Variants in MTHFD1L observed in about 807,000 individuals in gnomAD.
MTHFD1L encodes the protein monofunctional C1-tetrahydrofolate synthase, mitochondrial.
Under a neutral mutation model 119.5 loss-of-function variants are expected in MTHFD1L, and 81 were observed. The ratio of observed to expected loss-of-function variants is 0.68; its 90% CI spans 0.57 to 0.82. MTHFD1L has a LOEUF of 0.82. MTHFD1L is among the 40% of genes least tolerant of loss of function. The pLI, the probability that MTHFD1L is intolerant of heterozygous loss-of-function variation, is 0.00. For synonymous variants in MTHFD1L, 430 were observed against 475.2 expected, an observed-to-expected ratio of 0.90 and a Z score of 1.24; for missense variants, 1,125 against 1,253.4, an observed-to-expected ratio of 0.90 and a Z score of 1.55.
chr6:151,031,393 C>T lies in MTHFD1L; in HGVS notation c.2587-3100C>T, dbSNP rs555693405. On this transcript the variant is annotated intron_variant, in intron 24 of 27. Coordinates refer to ENST00000367321, the MANE Select transcript of MTHFD1L (RefSeq NM_015440.5). ...AGATTGCATGAGCTTTTGCTGCAGC[C>T]ACTCACAGTCAGGCCCCAGTGAATC... Among the ~76,000 whole-genome samples the T allele has an allele frequency of 2.0e-5, 3 of 152,318 alleles. No individual in the cohort carries two copies. The East Asian group carries it at 5.8e-4, about 29-fold the overall frequency.
In MTHFD1L at chr6:150,877,756, T is replaced by G. The variant is rs1780688986; in HGVS notation, c.364-17T>G. On this transcript the variant is annotated splice_polypyrimidine_tract_variant and intron_variant, in intron 3 of 27. Coordinates refer to ENST00000367321, the MANE Select transcript of MTHFD1L (RefSeq NM_015440.5). The stretch of plus-strand genomic sequence containing the variant: ...CATTCTCTTATAGTGACGAATAACC[T>G]TGTGTTCCTTTTTCAGGCTGGTCTG... The G allele has an allele frequency of 1.9e-6, 3 of 1,614,106 alleles. No individual in the cohort carries two copies. Among genetic ancestry groups the G allele is most frequent in the Admixed American group, 1.7e-5 (1 of 60,006 alleles).
intron 24 of MTHFD1L, among the ~76,000 whole-genome samples, chr6:151,022,566 TA>T (rs1364211348): frequency 5.3e-5 from 8 of 152,168 alleles, no homozygotes; most frequent in African/African-American, 1.4e-4. Flanking sequence ...CATTTCACAG[TA>T]ATTAGAAGGG....
chr6:151,093,709 C>T (rs1339326995), intron 27 of MTHFD1L, among the ~76,000 whole-genome samples: 2 of 151,830 alleles, frequency 1.3e-5, no homozygotes, highest in Non-Finnish European at 2.9e-5. Flanking sequence ...TTAAGCATAT[C>T]TTTTAGGGGA....
At chr6:150,993,676 T>G (rs372941676) in intron 20 of MTHFD1L, among the ~76,000 whole-genome samples, 13 of 152,078 alleles carry the variant, frequency 8.5e-5, no homozygotes, top group African/African-American at 3.1e-4. Flanking sequence ...CACATAGATC[T>G]TGTGCCCCTC....
chr6:151,032,566 C>A (rs1288442219), intron 24 of MTHFD1L, among the ~76,000 whole-genome samples: 1 of 152,196 alleles, frequency 6.6e-6, no homozygotes, highest in East Asian at 1.9e-4. Flanking sequence ...ACCATCCAAA[C>A]CACATCAACC....
At chr6:151,099,748 C>T (rs1446721367) in intron 27 of MTHFD1L, 26 of 1,609,734 alleles carry the variant, frequency 1.6e-5, no homozygotes, top group African/African-American at 2.7e-5. Context: ...CAGTGGCTTC[C>T]GGAAGTTCCT....
chr6:151,045,255 C>A (rs929354602), intron 26 of MTHFD1L, among the ~76,000 whole-genome samples: 1 of 152,138 alleles, frequency 6.6e-6, no homozygotes, highest in African/African-American at 2.4e-5. Context: ...TTCACCCCCC[C>A]GCCAAGCTGC....
At chr6:151,089,797 A>G (rs1264015430) in intron 26 of MTHFD1L, among the ~76,000 whole-genome samples, 1 of 152,222 alleles carries the variant, frequency 6.6e-6, no homozygotes, top group African/African-American at 2.4e-5. Context: ...GGTCTCCCCC[A>G]TTGTATGCAC....
At chr6:150,870,066 G>A (rs775573881) in intron 1 of MTHFD1L, among the ~76,000 whole-genome samples, 1 of 152,194 alleles carries the variant, frequency 6.6e-6, no homozygotes, top group Non-Finnish European at 1.5e-5. Flanking sequence ...CACTGCCCCT[G>A]GCCAGTAATA....
chr6:151,048,764 G>T (rs1406495990), intron 26 of MTHFD1L, among the ~76,000 whole-genome samples: 1 of 152,204 alleles, frequency 6.6e-6, no homozygotes, highest in Non-Finnish European at 1.5e-5. Context: ...CTTAGATATG[G>T]ACCTACGGAT....
chr6:150,989,636 A>G (rs1778790874), intron 20 of MTHFD1L, among the ~76,000 whole-genome samples: 1 of 152,224 alleles, frequency 6.6e-6, no homozygotes, highest in Admixed American at 6.5e-5. Flanking sequence ...TAATAGAGAA[A>G]ATGTCCTACT....
At chr6:150,907,414 G>A (rs1786110772) in intron 8 of MTHFD1L, among the ~76,000 whole-genome samples, 2 of 152,210 alleles carry the variant, frequency 1.3e-5, no homozygotes, top group African/African-American at 4.8e-5. Context: ...TTCCTCGACT[G>A]ACCATGGGGT....
chr6:150,881,580 G>A (rs545225460), intron 4 of MTHFD1L, among the ~76,000 whole-genome samples: 1 of 152,192 alleles, frequency 6.6e-6, no homozygotes, highest in East Asian at 1.9e-4. Flanking sequence ...GTCTCTGCTT[G>A]GACATCGTGG....
At chr6:151,067,048 C>A (rs1444236050) in intron 26 of MTHFD1L, among the ~76,000 whole-genome samples, 1 of 148,012 alleles carries the variant, frequency 6.8e-6, no homozygotes, top group Non-Finnish European at 1.5e-5. Flanking sequence ...GGCTGGAGTG[C>A]AGTGTTGCAA....
chr6:150,957,134 AT>A (rs1300581756), intron 17 of MTHFD1L, among the ~76,000 whole-genome samples: 3 of 152,212 alleles, frequency 2.0e-5, no homozygotes, highest in African/African-American at 7.2e-5. Flanking sequence ...AGCAGAGGTT[AT>A]TCCCCTTTTT....
chr6:150,912,706 A>T (rs1249453621), intron 8 of MTHFD1L: 1 of 516,366 alleles, frequency 1.9e-6, no homozygotes, highest in Non-Finnish European at 4.0e-6. Context: ...CATCTTTTAA[A>T]GTGATTCATT....
In MTHFD1L at chr6:150,926,122, T is replaced by C. The variant is rs747867342; in HGVS notation, c.1083T>C (p.Ser361=). 6.2e-7 allele frequency: 1 copy of C among 1,612,506 alleles called. No homozygotes were observed. Among genetic ancestry groups the C allele is most frequent in the East Asian group, 2.2e-5 (1 of 44,840 alleles). The change falls in exon 11 of 28, where the codon AGT becomes AGC. Residue 361 remains serine (S), a splice_region_variant and synonymous_variant. Transcript: ENST00000367321. The surrounding 1 kb of genome is among the most constrained non-coding windows in gnomAD (Gnocchi z 4.3). ...TCTTTCGTATTGTCTTTCCCCTCAGTGACATTGAGATTTCAAGAGGACAAA... is the reference window on the plus strand; with the variant it reads ...TCTTTCGTATTGTCTTTCCCCTCAGCGACATTGAGATTTCAAGAGGACAAA... ...LKLQPLSPVP[S]DIEISRGQTP...
At position 151,049,491 on chromosome 6, in the gene MTHFD1L, CAAAA is replaced by C. The variant is rs61344944; in HGVS notation, c.2847+12392_2847+12395del. On this transcript the variant is annotated intron_variant, in intron 26 of 27. Coordinates refer to ENST00000367321, the MANE Select transcript of MTHFD1L (RefSeq NM_015440.5). ...TGGGCAAGACAGCGAGACTCCGTCT[CAAAA>C]AAAAAAAAAAAAAAAAATTAGCTGG... Among the ~76,000 whole-genome samples, 706 of 85,954 alleles carry C rather than the reference CAAAA, an allele frequency of 8.2e-3. 9 individuals are homozygous for C. Among genetic ancestry groups the C allele is most frequent in the African/African-American group, 0.027 (619 of 22,648 alleles). The allele number at this position is 85,954 out of a possible 152,430, so 56.4% of individuals were successfully genotyped here.
chr6:150,994,077 A>AAAAAG (rs1554273890), intron 20 of MTHFD1L, among the ~76,000 whole-genome samples: 1 of 105,298 alleles, frequency 9.5e-6, no homozygotes, highest in African/African-American at 3.7e-5. Flanking sequence ...AAAAAAAAAA[A>AAAAAG]AAAGAAAGAA....
Sources: gnomAD v4.1 joint callset for allele counts (sites outside exome capture counted in the v4.1 genomes callset) on GRCh38, gnomAD v4.1.1 for gene constraint, Gnocchi (gnomAD v3.1) non-coding constraint, MANE v1.5 for transcripts, NCBI Gene and HGNC (gene_info 2026-07-23, HGNC 2026-07-21) for gene names.